Variants in PCDH10 observed in about 807,000 individuals in gnomAD.
The protein encoded by PCDH10 is protocadherin 10.
A neutral mutation model predicts 74.4 loss-of-function variants in PCDH10; 15 were observed. That is an observed-to-expected ratio of 0.20 (90% CI 0.13 to 0.31). The LOEUF (loss-of-function observed/expected upper bound fraction) is 0.31. PCDH10 is among the 10% of genes least tolerant of loss of function. PCDH10 has a pLI of 1.00. For synonymous variants in PCDH10, 619 were observed against 589.8 expected (o/e 1.05, Z -0.72); for missense variants, 1,260 against 1,390.2 (o/e 0.91, Z 1.49).
At chr4:133,195,985 T>A (rs1225682124), downstream of PCDH10, among the ~76,000 whole-genome samples, 1 of 152,190 alleles carries the variant, frequency 6.6e-6, no homozygotes, top group African/African-American at 2.4e-5. Context: ...TGAAGTTACC[T>A]CACATCTGAA....
intron 2 of PCDH10, among the ~76,000 whole-genome samples, chr4:133,205,509 C>T (rs1727982684): frequency 6.6e-6 from 1 of 152,162 alleles, no homozygotes; most frequent in Non-Finnish European, 1.5e-5. Context: ...CCATTTTCAT[C>T]CATGTTGCAG....
chr4:133,159,435 A>G (rs1030130891), intron 3 of PCDH10, among the ~76,000 whole-genome samples: 4 of 152,098 alleles, frequency 2.6e-5, no homozygotes, highest in African/African-American at 9.6e-5. Context: ...AAATAACTAG[A>G]AAAAGAGATT....
chr4:133,205,631 C>T (rs1162264968), intron 2 of PCDH10, among the ~76,000 whole-genome samples: 1 of 151,952 alleles, frequency 6.6e-6, no homozygotes, highest in Non-Finnish European at 1.5e-5. Context: ...CTTTTTGGCT[C>T]CTTCGTTATT....
At chr4:133,188,793 C>T (rs1002384988) in intron 4 of PCDH10, among the ~76,000 whole-genome samples, 4 of 151,480 alleles carry the variant, frequency 2.6e-5, no homozygotes, top group Non-Finnish European at 5.9e-5. Context: ...TCTGCCTCAG[C>T]CTCCCAAGTA....
chr4:133,184,482 G>A lies in PCDH10; in HGVS notation c.3104-5659G>A, dbSNP rs569801665. Among the ~76,000 whole-genome samples, 284 of 151,526 alleles carry A rather than the reference G, an allele frequency of 1.9e-3. 1 individual carries two copies. The highest frequency in any genetic ancestry group is 6.6e-3 in the African/African-American group (271 of 41,358). On this transcript the variant is annotated intron_variant, in intron 4 of 4. Coordinates refer to ENST00000264360, the MANE Select transcript of PCDH10 (RefSeq NM_032961.3). ...TACTAAAACTACAAAAATTAGCCTGGCGTTGTGGTGCGCAACTGTAATCCC... is the reference window on the plus strand; with the variant it reads ...TACTAAAACTACAAAAATTAGCCTGACGTTGTGGTGCGCAACTGTAATCCC...
chr4:133,200,222 G>A (rs1727877254), intron 2 of PCDH10, among the ~76,000 whole-genome samples: 1 of 151,804 alleles, frequency 6.6e-6, no homozygotes, highest in Non-Finnish European at 1.5e-5. Context: ...ATAATGTTTA[G>A]AAGTAATTTT....
chr4:133,190,012 A>G, intron 4 of PCDH10, 129 bp from the exon 5 acceptor site: 1 of 722,440 alleles, frequency 1.4e-6, no homozygotes, highest in South Asian at 1.7e-5. Flanking sequence ...AAAAAGTTTG[A>G]CACTACATGT....
rs1727744600 is a variant in PCDH10 at position 133,194,244 on chromosome 4, ATGCTT to A, written c.*4085_*4089del. 6.6e-6 allele frequency: 1 copy of A among 151,856 alleles called. No homozygotes were observed. Among genetic ancestry groups the A allele is most frequent in the Non-Finnish European group, 1.5e-5 (1 of 67,792 alleles). 9.4% of individuals were successfully genotyped at this position (151,856 alleles called of 1,614,324 possible). ...CTTTTATTTCTTGAAAAGTTGTCAC[ATGCTT>A]AGTTTGAAGTTTTACTCTCCAGATG... On this transcript the variant is annotated 3_prime_UTR_variant, in exon 5 of 5. Transcript: ENST00000264360.
At chr4:133,164,042 C>A (rs1279086490) in intron 4 of PCDH10, 1 of 455,732 alleles carries the variant, frequency 2.2e-6, no homozygotes, top group South Asian at 1.6e-5. Context: ...TAGATGCATA[C>A]ATTGTAGTGA....
rs1726762819 is a variant in PCDH10, at chr4:133,152,730, C to A, written c.2590C>A (p.Gln864Lys). The A allele has an allele frequency of 1.2e-6, 2 of 1,614,108 alleles. No individual in the cohort carries two copies. Among genetic ancestry groups the A allele is most frequent in the Admixed American group, 1.7e-5 (1 of 60,012 alleles). Residue 864 changes from glutamine to lysine, a missense_variant, in exon 1 of 5, where the codon CAG becomes AAG. Around this residue, in one of 11 missense-constraint regions of PCDH10, gnomAD observed 587 missense variants for 616.9 expected, o/e 0.95. Coordinates refer to ENST00000264360, the MANE Select transcript of PCDH10 (RefSeq NM_032961.3). ...CATCGTCACCGGTTACACCGACCAG[C>A]AGCCTGATATCATCTCCAACGGAAG... ...GAIVTGYTDQ[Q>K]PDIISNGSIL...
At chr4:133,176,533 A>G (rs1428904608) in intron 4 of PCDH10, among the ~76,000 whole-genome samples, 2 of 152,246 alleles carry the variant, frequency 1.3e-5, no homozygotes, top group Non-Finnish European at 1.5e-5. Context: ...AAATAGAACT[A>G]ATTATGCTCT....
chr4:133,153,343 C>A, intron 1 of PCDH10: 1 of 782,090 alleles, frequency 1.3e-6, no homozygotes, highest in Non-Finnish European at 1.6e-6. Context: ...TTCAGTTCGG[C>A]TCTGGACAGC....
intron 4 of PCDH10, among the ~76,000 whole-genome samples, chr4:133,181,169 CAA>C (rs1318989326): frequency 6.6e-6 from 1 of 151,072 alleles, no homozygotes; most frequent in African/African-American, 2.4e-5. Context: ...AAATTTTACT[CAA>C]AAAAACAGGG....
intron 3 of PCDH10, among the ~76,000 whole-genome samples, chr4:133,156,175 C>T (rs1057395369): frequency 2.9e-4 from 44 of 152,198 alleles, no homozygotes; most frequent in Admixed American, 3.3e-4. Context: ...GGTGCTGAGG[C>T]AGTGTGTCAA....
chr4:133,167,377 T>A (rs545508154), intron 4 of PCDH10, among the ~76,000 whole-genome samples: 1 of 151,616 alleles, frequency 6.6e-6, no homozygotes, highest in African/African-American at 2.4e-5. Context: ...AGTAGTGCAG[T>A]AAGAGCGTAC....
At chr4:133,183,077 C>T (rs1027449708) in intron 4 of PCDH10, among the ~76,000 whole-genome samples, 5 of 151,974 alleles carry the variant, frequency 3.3e-5, no homozygotes, top group Admixed American at 6.6e-5. Context: ...TTCCTCAAAT[C>T]AATTCAAATA....
At chr4:133,153,096 A>G (rs958227936) in intron 1 of PCDH10, 6 of 1,330,790 alleles carry the variant, frequency 4.5e-6, no homozygotes, top group Non-Finnish European at 5.8e-6. Context: ...GTGAAGGGAG[A>G]GGGAAATGTG....
rs1726641361 is a variant in PCDH10 at position 133,150,537 on chromosome 4, G to A, written c.397G>A (p.Glu133Lys). Residue 133 changes from glutamate to lysine, a missense_variant, in exon 1 of 5, where the codon GAG (glutamate) becomes AAG (lysine). By Grantham distance (56) the Glu-to-Lys change is moderately conservative. This residue lies in a region of PCDH10 where 63 missense variants were observed against 100.7 expected (regional missense o/e 0.63). Coordinates refer to ENST00000264360, the MANE Select transcript of PCDH10 (RefSeq NM_032961.3). The stretch of plus-strand genomic sequence containing the variant: ...GCCAGACCTGACGGTGGAAATCTCT[G>A]AGAGCGCCACGCCAGGCACTCGCTT... ...PEPDLTVEIS[E>K]SATPGTRFPL... is the part of the protein sequence containing the mutation. 1 of 1,613,648 alleles carries A rather than the reference G, an allele frequency of 6.2e-7. No homozygotes were observed.
At chr4:133,154,817 G>C in intron 2 of PCDH10, 100 bp from the exon 3 acceptor site, 1 of 796,702 alleles carries the variant, frequency 1.3e-6, no homozygotes, top group Non-Finnish European at 2.1e-6. Flanking sequence ...TAAGAGGTCT[G>C]TGAGTCTGCA....
Sources: gnomAD v4.1 joint callset for allele counts (sites outside exome capture counted in the v4.1 genomes callset) on GRCh38, gnomAD v4.1.1 for gene constraint, gnomAD v4.1.1 regional missense constraint, MANE v1.5 for transcripts, NCBI Gene and HGNC (gene_info 2026-07-23, HGNC 2026-07-21) for gene names.